Variants in PUDP observed in about 807,000 individuals in gnomAD.
PUDP encodes pseudouridine 5'-phosphatase, also known as pseudouridine-5'-phosphatase.
Under a neutral mutation model 9.4 loss-of-function variants are expected in PUDP, and 8 were observed. The observed-to-expected ratio is 0.85, with a 90% CI of 0.50 to 1.53. The LOEUF is 1.53. Ranked by LOEUF, PUDP falls within the 40% of genes most tolerant of loss-of-function variation. The pLI, the probability that PUDP is intolerant of heterozygous loss-of-function variation, is 0.00. For synonymous variants in PUDP, 99 were observed against 80.7 expected (o/e 1.23, Z -1.22); for missense variants, 188 against 189.7 (o/e 0.99, Z 0.05).
intron 2 of PUDP, among the ~76,000 whole-genome samples, chrX:7,078,945 CAG>C (rs1931000712): frequency 8.9e-6 from 1 of 111,861 alleles, no homozygotes; most frequent in Admixed American, 9.5e-5. Context: ...GAAATAGACA[CAG>C]AAATGATAGA....
At chrX:6,716,932 C>A (rs1313406863) in intron 1 of PUDP, among the ~76,000 whole-genome samples, 1 of 111,046 alleles carries the variant, frequency 9.0e-6, no homozygotes, top group Non-Finnish European at 1.9e-5. Context: ...CCATGCCCAG[C>A]TAATTTTTTA....
At chrX:6,921,093 T>C (rs914082982) in intron 3 of PUDP, among the ~76,000 whole-genome samples, 3 of 111,062 alleles carry the variant, frequency 2.7e-5, no homozygotes, top group African/African-American at 9.8e-5. Context: ...CATCAGAATA[T>C]ACCATTCATG....
chrX:6,915,308 C>A (rs1286114669), intron 3 of PUDP, among the ~76,000 whole-genome samples: 1 of 111,593 alleles, frequency 9.0e-6, no homozygotes, highest in Non-Finnish European at 1.9e-5. Context: ...CCCATATTTT[C>A]AAAAAAAGTG....
At chrX:6,834,302 T>C (rs1926550046) in intron 3 of PUDP, among the ~76,000 whole-genome samples, 1 of 111,958 alleles carries the variant, frequency 8.9e-6, no homozygotes, top group Admixed American at 9.5e-5. Context: ...GCTGACTTTA[T>C]TGCTTTCTTC....
At chrX:7,130,600 G>A (rs1025567507) in intron 1 of PUDP, among the ~76,000 whole-genome samples, 1 of 111,285 alleles carries the variant, frequency 9.0e-6, no homozygotes, top group Admixed American at 9.6e-5. Context: ...GATCACTTGA[G>A]TCCAGGAGTT....
chrX:7,002,502 A>T (rs1322508889), intron 1 of PUDP, among the ~76,000 whole-genome samples: 4 of 111,877 alleles, frequency 3.6e-5, no homozygotes, highest in African/African-American at 1.3e-4. Flanking sequence ...CCATGCTGTG[A>T]GTAACCCAAC....
intron 1 of PUDP, among the ~76,000 whole-genome samples, chrX:7,133,579 T>C (rs780807220): frequency 2.7e-5 from 3 of 111,159 alleles, no homozygotes; most frequent in African/African-American, 6.6e-5. Flanking sequence ...TTTCTGTGAG[T>C]GGTAGGGCCA....
chrX:6,790,451 AAT>A (rs1354603858), intron 3 of PUDP, among the ~76,000 whole-genome samples: 1 of 112,552 alleles, frequency 8.9e-6, no homozygotes, highest in African/African-American at 3.2e-5. Flanking sequence ...TATGCATAAC[AAT>A]ATGAGTTAAT....
chrX:7,031,952 T>C (rs1230735689), intron 1 of PUDP, among the ~76,000 whole-genome samples: 1 of 112,318 alleles, frequency 8.9e-6, no homozygotes, highest in Non-Finnish European at 1.9e-5. Flanking sequence ...CTCTTCAAGA[T>C]AGATGAAAAG....
At chrX:6,984,008 T>C in intron 1 of PUDP, among the ~76,000 whole-genome samples, 1 of 112,593 alleles carries the variant, frequency 8.9e-6, no homozygotes, top group Admixed American at 9.4e-5. Context: ...CCTTCCTTGC[T>C]TTGTGTGTGC....
At chrX:7,129,488 ATGT>A (rs1186994358) in intron 1 of PUDP, among the ~76,000 whole-genome samples, 1 of 111,793 alleles carries the variant, frequency 8.9e-6, no homozygotes, top group Non-Finnish European at 1.9e-5. Context: ...CATGGAGGAC[ATGT>A]TGTAGAGCCC....
At chrX:7,098,458 G>T (rs890945900) in intron 2 of PUDP, among the ~76,000 whole-genome samples, 3 of 111,213 alleles carry the variant, frequency 2.7e-5, no homozygotes, top group Non-Finnish European at 5.7e-5. Flanking sequence ...CCACCTTCAG[G>T]ACTTAATCAC....
chrX:6,748,626 C>T (rs1053730306), intron 3 of PUDP, among the ~76,000 whole-genome samples: 8 of 111,453 alleles, frequency 7.2e-5, no homozygotes, highest in South Asian at 3.8e-4. Flanking sequence ...AAAAAAATAA[C>T]GAACACCACT....
At chrX:7,004,903 A>G (rs1402037606) in intron 1 of PUDP, among the ~76,000 whole-genome samples, 1 of 112,501 alleles carries the variant, frequency 8.9e-6, no homozygotes, top group Non-Finnish European at 1.9e-5. Context: ...TAGTCCAATG[A>G]TGAAAGAATG....
intron 3 of PUDP, among the ~76,000 whole-genome samples, chrX:6,947,973 T>C (rs962121008): frequency 9.0e-6 from 1 of 111,395 alleles, no homozygotes; most frequent in Non-Finnish European, 1.9e-5. Context: ...ATATTGTCCT[T>C]TGGGCTTTCA....
At chrX:6,917,498 T>C (rs151113911) in intron 3 of PUDP, among the ~76,000 whole-genome samples, 2,025 of 112,124 alleles carry the variant, frequency 0.018, 19 homozygotes, top group Non-Finnish European at 0.029. Context: ...TGGTTAAACA[T>C]GCTAGTTGAA....
At chrX:6,944,404 C>T (rs1481027066) in intron 3 of PUDP, among the ~76,000 whole-genome samples, 2 of 111,460 alleles carry the variant, frequency 1.8e-5, no homozygotes, top group African/African-American at 6.5e-5. Flanking sequence ...TGAACTAATA[C>T]ATGGAATGAT....
chrX:6,954,395 C>T (rs1197827035), intron 3 of PUDP, among the ~76,000 whole-genome samples: 3 of 110,905 alleles, frequency 2.7e-5, no homozygotes, highest in Non-Finnish European at 5.7e-5. Context: ...CCCAGGAGAG[C>T]TCTCCAGCAT....
At chrX:6,723,432 C>CAAA (rs549361509), upstream of PUDP, among the ~76,000 whole-genome samples, 11 of 17,319 alleles carry the variant, frequency 6.4e-4, no homozygotes, top group Admixed American at 9.9e-4. Context: ...GAGGCTCTGT[C>CAAA]AAAAAAAAAA....
Sources: allele counts gnomAD v4.1 joint callset (sites outside exome capture counted in the v4.1 genomes callset), GRCh38; gene constraint gnomAD v4.1.1; transcripts MANE v1.5; gene names NCBI Gene and HGNC (gene_info 2026-07-23, HGNC 2026-07-21).